Variants in FRMD4A observed in about 807,000 individuals in gnomAD.
FRMD4A encodes the protein FERM domain-containing protein 4A.
FRMD4A carries 29 observed loss-of-function variants against 129.1 expected under a neutral mutation model. That is an observed-to-expected ratio of 0.22 (90% confidence interval 0.17 to 0.31). FRMD4A has a LOEUF of 0.31. FRMD4A is among the 10% of genes least tolerant of loss of function. FRMD4A has a pLI of 1.00. For missense variants in FRMD4A, 1,272 were observed against 1,375.8 expected (o/e 0.92, Z 1.19); for synonymous variants, 634 against 571.6 (o/e 1.11, Z -1.56).
In FRMD4A at chr10:14,051,408, A is replaced by T. The variant is rs138640051; in HGVS notation, c.46-192496T>A. On this transcript the variant is annotated intron_variant, in intron 2 of 24. Transcript: ENST00000357447. ...GGCACAGCCCTGCCAGGTGTCCTGA[A>T]AATAATTCCAAAGGAGGAGAGAATC... Among the ~76,000 whole-genome samples, 430 of 152,302 alleles carry T rather than the reference A, an allele frequency of 2.8e-3. 2 individuals carry two copies. The highest frequency in any genetic ancestry group is 5.1e-3 in the Non-Finnish European group (345 of 68,028).
At chr10:13,774,784 A>AT (rs2092555899) in intron 6 of FRMD4A, among the ~76,000 whole-genome samples, 1 of 152,194 alleles carries the variant, frequency 6.6e-6, no homozygotes, top group African/African-American at 2.4e-5. Context: ...CGTACAGGAA[A>AT]GAGAGACCAA....
intron 12 of FRMD4A, among the ~76,000 whole-genome samples, chr10:13,714,513 T>A (rs2088581021): frequency 1.3e-5 from 2 of 152,112 alleles, no homozygotes; most frequent in South Asian, 2.1e-4. Flanking sequence ...TCCCATTCCC[T>A]TTCCAACCAT....
chr10:14,198,855 C>T (rs958039919), intron 2 of FRMD4A, among the ~76,000 whole-genome samples: 3 of 152,210 alleles, frequency 2.0e-5, no homozygotes, highest in Non-Finnish European at 2.9e-5. Context: ...TCAGTTTTCT[C>T]ATCTATAAAA....
chr10:14,048,121 C>T (rs563153107), intron 2 of FRMD4A, among the ~76,000 whole-genome samples: 9 of 152,230 alleles, frequency 5.9e-5, no homozygotes, highest in African/African-American at 1.9e-4. Context: ...GAAATAAAGG[C>T]GGTTGCTCTG....
chr10:13,856,974 A>G (rs2094222454), intron 3 of FRMD4A, among the ~76,000 whole-genome samples: 1 of 152,194 alleles, frequency 6.6e-6, no homozygotes, highest in Non-Finnish European at 1.5e-5. Context: ...GGCAATTTGA[A>G]GCTTCAAATG....
At chr10:13,840,657 A>C (rs942660179) in intron 3 of FRMD4A, among the ~76,000 whole-genome samples, 35 of 151,784 alleles carry the variant, frequency 2.3e-4, no homozygotes, top group African/African-American at 8.2e-4. Context: ...GTGTGGTGGC[A>C]CATGCCTGTA....
chr10:13,756,356 T>C (rs543159294), intron 8 of FRMD4A, among the ~76,000 whole-genome samples: 69 of 152,340 alleles, frequency 4.5e-4, no homozygotes, highest in African/African-American at 1.7e-3. Context: ...CTAAACGTTA[T>C]TTTTTATTTT....
At chr10:14,229,605 T>C (rs1843567307) in intron 2 of FRMD4A, among the ~76,000 whole-genome samples, 1 of 152,078 alleles carries the variant, frequency 6.6e-6, no homozygotes, top group African/African-American at 2.4e-5. Context: ...GCTTGGCTAA[T>C]TTTTAAAAAA....
intron 2 of FRMD4A, among the ~76,000 whole-genome samples, chr10:13,877,936 G>A (rs1219116146): frequency 6.6e-6 from 1 of 152,124 alleles, no homozygotes; most frequent in Non-Finnish European, 1.5e-5. Flanking sequence ...TGAGAGGGGT[G>A]GAAAGAGCGA....
chr10:13,704,129 T>C (rs1416493722), intron 13 of FRMD4A, among the ~76,000 whole-genome samples: 5 of 152,134 alleles, frequency 3.3e-5, no homozygotes, highest in South Asian at 2.1e-4. Context: ...ATACGTGAAA[T>C]AGTAACTCTC....
intron 2 of FRMD4A, among the ~76,000 whole-genome samples, chr10:14,142,146 A>AG (rs1839868604): frequency 2.7e-5 from 4 of 150,052 alleles, no homozygotes; most frequent in African/African-American, 1.0e-4. Context: ...GCTACAAACA[A>AG]AAAAGTTTTT....
At chr10:14,234,177 A>G (rs77766765) in intron 2 of FRMD4A, among the ~76,000 whole-genome samples, 2,094 of 152,216 alleles carry the variant, frequency 0.014, 44 homozygotes, top group African/African-American at 0.047. Flanking sequence ...GAAGATAAGC[A>G]TCTCTAATAT....
chr10:13,720,797 A>G (rs1243909282), intron 12 of FRMD4A, among the ~76,000 whole-genome samples: 1 of 152,210 alleles, frequency 6.6e-6, no homozygotes, highest in African/African-American at 2.4e-5. Flanking sequence ...CTGCAGATAC[A>G]GAAGTCAGGG....
At chr10:14,223,031 G>A (rs1315687890) in intron 2 of FRMD4A, among the ~76,000 whole-genome samples, 1 of 152,158 alleles carries the variant, frequency 6.6e-6, no homozygotes. Flanking sequence ...GAGTTGCAGT[G>A]CGCTGAGATT....
chr10:14,141,815 A>G (rs10906614), intron 2 of FRMD4A, among the ~76,000 whole-genome samples: 2 of 76,578 alleles, frequency 2.6e-5, no homozygotes, highest in Non-Finnish European at 7.3e-5. Flanking sequence ...ACGTGTGCAC[A>G]TGTGTGTGTG....
At position 13,841,107 on chromosome 10, in the gene FRMD4A, T is replaced by C. The variant is rs989550535; in HGVS notation, c.111+17740A>G. On this transcript the variant is annotated intron_variant, in intron 3 of 24. Transcript: ENST00000357447. Reference sequence around the variant, plus strand: ...TGGGTGACAGAGTGAGACCCCCATCTAAATAAGTAAGTAGATGAAATTAAA... The same window carrying C: ...TGGGTGACAGAGTGAGACCCCCATCCAAATAAGTAAGTAGATGAAATTAAA... Among the ~76,000 whole-genome samples, 5 of 152,254 alleles carry C rather than the reference T, an allele frequency of 3.3e-5. No homozygotes were observed. In the East Asian group the frequency reaches 9.7e-4, roughly 29 times the overall value.
intron 5 of FRMD4A, among the ~76,000 whole-genome samples, chr10:13,793,702 T>C (rs1231652755): frequency 6.6e-6 from 1 of 152,132 alleles, no homozygotes; most frequent in East Asian, 1.9e-4. Context: ...TGGACAGAAG[T>C]TCTTTTATGG....
intron 2 of FRMD4A, among the ~76,000 whole-genome samples, chr10:14,033,306 CAA>C (rs11312756): frequency 0.1 from 14,179 of 141,390 alleles, 728 homozygotes; most frequent in East Asian, 0.13. Flanking sequence ...GACTGTGTCT[CAA>C]AAAAAAAAAA....
intron 2 of FRMD4A, among the ~76,000 whole-genome samples, chr10:14,067,356 G>A (rs1342939968): frequency 6.6e-6 from 1 of 152,000 alleles, no homozygotes; most frequent in Non-Finnish European, 1.5e-5. Flanking sequence ...TTAATGACAA[G>A]TATTTAGACA....
Sources: allele counts gnomAD v4.1 joint callset (sites outside exome capture counted in the v4.1 genomes callset), GRCh38; gene constraint gnomAD v4.1.1; transcripts MANE v1.5; gene names NCBI Gene and HGNC (gene_info 2026-07-23, HGNC 2026-07-21).